Variants in CWH43 observed in about 807,000 individuals in gnomAD.
CWH43 encodes cell wall biogenesis 43 C-terminal homolog.
In CWH43, 91 loss-of-function variants were observed where a neutral mutation model predicts 85.7. The observed-to-expected ratio is 1.06, with a 90% CI of 0.90 to 1.26. CWH43 has a LOEUF of 1.26. CWH43 is among the 50% of genes most tolerant of loss of function. The pLI is 0.00. For synonymous variants in CWH43, 323 were observed against 293.6 expected, an observed-to-expected ratio of 1.10 and a Z score of -1.02; for missense variants, 869 against 839.2, an observed-to-expected ratio of 1.04 and a Z score of -0.44.
intron 9 of CWH43, among the ~76,000 whole-genome samples, chr4:49,018,958 A>G (rs779140613): frequency 5.3e-5 from 8 of 152,226 alleles, no homozygotes; most frequent in Non-Finnish European, 8.8e-5. Context: ...TTGCAACATA[A>G]TGTCCATCAG....
intron 1 of CWH43, chr4:48,986,809 C>T (rs1782510674): frequency 7.6e-6 from 9 of 1,177,314 alleles, no homozygotes; most frequent in Non-Finnish European, 9.5e-6. Context: ...AGCCCCCCAC[C>T]CGTGGCCTTT....
At chr4:48,988,696 TG>T (rs755463687) in intron 2 of CWH43, 28 bp downstream of exon 2, 5 of 1,461,230 alleles carry the variant, frequency 3.4e-6, no homozygotes, top group South Asian at 1.4e-5. Context: ...TTCTTTAAGT[TG>T]TTTTTTTTAA....
intron 9 of CWH43, 97 bp downstream of exon 9, chr4:49,017,425 A>T: frequency 2.5e-6 from 2 of 814,104 alleles, no homozygotes; most frequent in East Asian, 2.7e-5. Context: ...GGATCTGATG[A>T]CTTCAGAGCC....
At chr4:49,022,695 G>A (rs1783790636) in intron 9 of CWH43, among the ~76,000 whole-genome samples, 2 of 151,882 alleles carry the variant, frequency 1.3e-5, no homozygotes, top group Non-Finnish European at 2.9e-5. Context: ...TTTTTTGTTA[G>A]CAATTTTAAA....
chr4:49,041,575 G>C (rs1045247701), intron 13 of CWH43, among the ~76,000 whole-genome samples: 2 of 152,116 alleles, frequency 1.3e-5, no homozygotes, highest in Non-Finnish European at 2.9e-5. Context: ...GAATGCTTGT[G>C]GTTTTTGTAC....
At chr4:49,052,062 T>C (rs1784816099) in intron 15 of CWH43, among the ~76,000 whole-genome samples, 1 of 152,174 alleles carries the variant, frequency 6.6e-6, no homozygotes, top group Admixed American at 6.6e-5. Context: ...ACATTTCTCA[T>C]TTTTTTGGGG....
chr4:48,995,501 C>G (rs1216195011), intron 5 of CWH43, among the ~76,000 whole-genome samples: 3 of 152,224 alleles, frequency 2.0e-5, no homozygotes, highest in African/African-American at 4.8e-5. Context: ...TATCTTTTCT[C>G]TCTTGTAGTG....
rs1782689067 is a variant in CWH43, at chr4:48,992,492, C to A, written c.511+402C>A. On this transcript the variant is annotated intron_variant, in intron 4 of 15. Coordinates refer to ENST00000226432, the MANE Select transcript of CWH43 (RefSeq NM_025087.3). The surrounding 1 kb of genome is among the most constrained non-coding windows in gnomAD (Gnocchi z 4.3). Reference sequence around the variant, plus strand: ...CTGTAACACTAAGGAAAGTTTCTGTCACGTATGGCTGTCACTGGAACTCCC... The same window carrying A: ...CTGTAACACTAAGGAAAGTTTCTGTAACGTATGGCTGTCACTGGAACTCCC... Among the ~76,000 whole-genome samples the A allele has an allele frequency of 6.6e-6, 1 of 152,194 alleles. No individual in the cohort carries two copies. The highest frequency in any genetic ancestry group is 1.5e-5 in the Non-Finnish European group (1 of 68,032).
At chr4:48,996,902 C>T (rs1782833609) in intron 5 of CWH43, among the ~76,000 whole-genome samples, 1 of 152,168 alleles carries the variant, frequency 6.6e-6, no homozygotes, top group Non-Finnish European at 1.5e-5. Flanking sequence ...CAGCATTTCC[C>T]AAACTGTGTT....
chr4:49,043,850 C>T (rs1236126329), intron 13 of CWH43, among the ~76,000 whole-genome samples: 1 of 151,768 alleles, frequency 6.6e-6, no homozygotes, highest in Non-Finnish European at 1.5e-5. Flanking sequence ...TAATTTAAAA[C>T]ATTTATTATA....
intron 5 of CWH43, among the ~76,000 whole-genome samples, chr4:48,995,671 A>G (rs1326895257): frequency 1.3e-5 from 2 of 152,052 alleles, no homozygotes; most frequent in Non-Finnish European, 2.9e-5. Context: ...TCCCAGGTCC[A>G]TTTTGTCTGT....
At chr4:49,002,972 T>G (rs1347404474) in intron 6 of CWH43, among the ~76,000 whole-genome samples, 1 of 152,176 alleles carries the variant, frequency 6.6e-6, no homozygotes, top group African/African-American at 2.4e-5. Flanking sequence ...GTTTCAAAAA[T>G]GCCATATTTT....
chr4:49,004,266 T>C (rs73246063), intron 7 of CWH43, among the ~76,000 whole-genome samples: 6,936 of 152,308 alleles, frequency 0.046, 252 homozygotes, highest in Non-Finnish European at 0.066. Context: ...CAGTCCATAC[T>C]AAAGCGTAAA....
intron 2 of CWH43, among the ~76,000 whole-genome samples, chr4:48,990,309 A>G (rs1205638049): frequency 6.6e-6 from 1 of 152,208 alleles, no homozygotes; most frequent in East Asian, 1.9e-4. Flanking sequence ...CTCAGAGTTG[A>G]GGAGGAAGTG....
At chr4:49,015,624 A>C (rs1304984728) in intron 8 of CWH43, among the ~76,000 whole-genome samples, 3 of 152,008 alleles carry the variant, frequency 2.0e-5, no homozygotes, top group African/African-American at 7.2e-5. Flanking sequence ...GTTTCTGCAA[A>C]TATTGCTTCT....
At chr4:49,047,142 A>C (rs528782293) in intron 14 of CWH43, among the ~76,000 whole-genome samples, 28 of 152,308 alleles carry the variant, frequency 1.8e-4, no homozygotes, top group Admixed American at 1.8e-3. Context: ...CATTTATGAG[A>C]GAAAATGGTT....
At chr4:48,998,407 GA>G in intron 5 of CWH43, 52 bp from the exon 6 acceptor site, 1 of 1,325,854 alleles carries the variant, frequency 7.5e-7, no homozygotes, top group Non-Finnish European at 1.1e-6. Flanking sequence ...TTATATTCGG[GA>G]TGATGAAATA....
Position 48,991,596 on chromosome 4 carries a change from C to T in CWH43, c.356+22C>T, listed in dbSNP as rs139553678. 14,563 of 1,612,002 alleles carry T rather than the reference C, an allele frequency of 9.0e-3. 89 individuals are homozygous for T. The highest frequency in any genetic ancestry group is 0.011 in the Middle Eastern group (68 of 6,058). On this transcript the variant is annotated intron_variant, in intron 3 of 15. Coordinates refer to ENST00000226432, the MANE Select transcript of CWH43 (RefSeq NM_025087.3). The stretch of plus-strand genomic sequence containing the variant: ...AAAGGTATGGTTAATGTTTCATGTA[C>T]TTATAGACAAACAAGTATAACCAGT...
intron 13 of CWH43, among the ~76,000 whole-genome samples, chr4:49,038,823 C>T (rs1387453818): frequency 6.6e-6 from 1 of 152,042 alleles, no homozygotes; most frequent in Non-Finnish European, 1.5e-5. Context: ...CTTTGGGAGG[C>T]TGAGGCGGGC....
Sources: allele counts gnomAD v4.1 joint callset (sites outside exome capture counted in the v4.1 genomes callset), GRCh38; gene constraint gnomAD v4.1.1; non-coding constraint Gnocchi (gnomAD v3.1); transcripts MANE v1.5; gene names NCBI Gene and HGNC (gene_info 2026-07-23, HGNC 2026-07-21).